The following ATP7A variants were observed in gnomAD, a reference collection of about 807,000 sequenced individuals.
ATP7A encodes copper-transporting ATPase 1.
ATP7A carries 7 observed loss-of-function variants against 83.5 expected under a neutral mutation model. That is an observed-to-expected ratio of 0.08 (90% CI 0.05 to 0.16). The LOEUF is 0.16. Ranked by LOEUF, ATP7A falls within the 10% of genes least tolerant of loss-of-function variation. ATP7A has a pLI of 1.00. For missense variants in ATP7A, 940 were observed against 1,120.8 expected (o/e 0.84, Z 2.30); for synonymous variants, 354 against 395.2 (o/e 0.90, Z 1.24).
Position 78,050,232 on chromosome X carries a change from T to C in ATP7A, c.*3662T>C, listed in dbSNP as rs1022199874. On this transcript the variant is annotated 3_prime_UTR_variant, in exon 23 of 23. Coordinates refer to ENST00000341514, the MANE Select transcript of ATP7A (RefSeq NM_000052.7). The stretch of plus-strand genomic sequence containing the variant: ...TAAAGAAATGTTTAGCTAAACGTTG[T>C]TGAACATTGATTGTTTGGTACCGAA... 2.7e-5 allele frequency: 3 copies of C among 112,344 alleles called. No homozygotes were observed. Among genetic ancestry groups the C allele is most frequent in the African/African-American group, 9.7e-5 (3 of 30,925 alleles). 9.3% of individuals were successfully genotyped at this position (112,344 alleles called of 1,213,427 possible). A position where few individuals can be genotyped will look rare whatever the true frequency, so the allele number is the denominator to read the frequency against.
At chrX:77,948,476 C>CTA (rs1557226458) in intron 1 of ATP7A, among the ~76,000 whole-genome samples, 2 of 112,125 alleles carry the variant, frequency 1.8e-5, no homozygotes, top group African/African-American at 6.5e-5. Context: ...AGTCATTTTG[C>CTA]TATAGCCCAT....
At position 78,014,235 on chromosome X, in the gene ATP7A, T is replaced by C. The variant is rs782288982; in HGVS notation, c.2407-427T>C. On this transcript the variant is annotated intron_variant, in intron 10 of 22. Transcript: ENST00000341514. ...GGCCTGGCCAACATGGTGAACCCCA[T>C]CTCTACTAAAAATACAAAAATTAGC... Among the ~76,000 whole-genome samples, 9 of 108,946 alleles carry C rather than the reference T, an allele frequency of 8.3e-5. No individual in the cohort carries two copies. In the East Asian group the frequency reaches 2.6e-3, roughly 31 times the overall value. 94.6% of individuals were successfully genotyped at this position (108,946 alleles called of 115,157 possible).
intron 6 of ATP7A, among the ~76,000 whole-genome samples, chrX:78,005,699 A>G (rs781861151): frequency 1.1e-4 from 12 of 105,282 alleles, no homozygotes; most frequent in Admixed American, 3.1e-4. Context: ...AAAAAAAAAA[A>G]AAAAAAAGAA....
intron 1 of ATP7A, among the ~76,000 whole-genome samples, chrX:77,956,797 C>CTTTCTTTCTTTCTCTTTCTTTCT (rs2077447467): frequency 2.4e-5 from 2 of 82,685 alleles, no homozygotes; most frequent in East Asian, 7.6e-4. Flanking sequence ...CTCTTTCTTT[C>CTTTCTTTCTTTCTCTTTCTTTCT]TTTTTTTTTT....
intron 22 of ATP7A, 142 bp from the exon 23 acceptor site, chrX:78,046,152 T>C: frequency 1.5e-6 from 1 of 676,249 alleles, no homozygotes. Context: ...CGTTTCAAGC[T>C]ATTTTCCTAC....
At chrX:78,035,114 G>T (rs1353077547) in intron 17 of ATP7A, among the ~76,000 whole-genome samples, 2 of 111,468 alleles carry the variant, frequency 1.8e-5, no homozygotes, top group Non-Finnish European at 3.8e-5. Context: ...TCAGGGTTTT[G>T]TTCTTTGTCT....
chrX:77,981,045 G>A (rs1218183281), intron 2 of ATP7A, among the ~76,000 whole-genome samples: 1 of 112,137 alleles, frequency 8.9e-6, no homozygotes, highest in Admixed American at 9.5e-5. Context: ...AGCATACTAT[G>A]CACATCATTC....
rs1384969276 is a variant in ATP7A, at chrX:77,910,823, A to T, written c.-34A>T. On this transcript the variant is annotated 5_prime_UTR_variant, in exon 1 of 23. Transcript: ENST00000341514. ...GTAGCTCCAGAGGTTTAACCATAGG[A>T]TAGAGAAACCAGGTAAGTCCTACAT... 1.8e-5 allele frequency: 2 copies of T among 112,120 alleles called. No homozygotes were observed. The highest frequency in any genetic ancestry group is 3.8e-5 in the Non-Finnish European group (2 of 53,226). The allele number at this position is 112,120 out of a possible 1,213,427, so 9.2% of individuals were successfully genotyped here.
At chrX:78,038,567 GA>G (rs1420561689) in intron 17 of ATP7A, among the ~76,000 whole-genome samples, 1 of 111,680 alleles carries the variant, frequency 9.0e-6, no homozygotes, top group Non-Finnish European at 1.9e-5. Context: ...AGTAATATTT[GA>G]ACTGGCTCTT....
intron 6 of ATP7A, among the ~76,000 whole-genome samples, chrX:78,006,050 G>A (rs781806210): frequency 8.9e-6 from 1 of 111,950 alleles, no homozygotes; most frequent in African/African-American, 3.2e-5. Flanking sequence ...AACTTCATTC[G>A]TAATGAGTAA....
chrX:77,958,475 A>G (rs2077457349), intron 1 of ATP7A, among the ~76,000 whole-genome samples: 1 of 111,479 alleles, frequency 9.0e-6, no homozygotes, highest in South Asian at 3.7e-4. Flanking sequence ...TTATACCAAT[A>G]CTATGCTGCT....
At chrX:77,983,508 C>A (rs2077616055) in intron 2 of ATP7A, among the ~76,000 whole-genome samples, 1 of 111,747 alleles carries the variant, frequency 8.9e-6, no homozygotes, top group African/African-American at 3.3e-5. Flanking sequence ...AAGAATCGAT[C>A]TTTACAATCT....
chrX:77,988,656 G>T lies in ATP7A; in HGVS notation c.535G>T (p.Gly179Trp). ...GEVVLKMKVE[G>W]MTCHSCTSTI... ...AGTCGTGCTGAAGATGAAAGTGGAA[G>T]GGATGACCTGCCATTCATGTACTAG... The change falls in exon 3 of 23, where the codon GGG becomes TGG. Residue 179 changes from glycine to tryptophan, a missense_variant. Physicochemically the swap from Gly to Trp is radical, Grantham distance 184. Around this residue, in one of 3 missense-constraint regions of ATP7A, gnomAD observed 350 missense variants for 432.8 expected, o/e 0.81. Coordinates refer to ENST00000341514, the MANE Select transcript of ATP7A (RefSeq NM_000052.7). 8.3e-7 allele frequency: 1 copy of T among 1,211,261 alleles called. No homozygotes were observed. Among genetic ancestry groups the T allele is most frequent in the African/African-American group, 1.7e-5 (1 of 57,762 alleles).
chrX:77,923,272 G>C (rs1426743573), intron 1 of ATP7A: 2 of 111,540 alleles, frequency 1.8e-5, no homozygotes, highest in Non-Finnish European at 3.8e-5. Flanking sequence ...ATTCTGACTA[G>C]GCAAATGAGC....
At chrX:78,025,373 C>T (rs887996668) in intron 14 of ATP7A, among the ~76,000 whole-genome samples, 1 of 112,242 alleles carries the variant, frequency 8.9e-6, no homozygotes, top group Non-Finnish European at 1.9e-5. Context: ...TGTAATAGCT[C>T]TCTAGCAACG....
intron 1 of ATP7A, among the ~76,000 whole-genome samples, chrX:77,929,013 G>T: frequency 9.0e-6 from 1 of 111,552 alleles, no homozygotes; most frequent in Non-Finnish European, 1.9e-5. Flanking sequence ...AAGGGTTTCT[G>T]CAGAACTTTG....
intron 22 of ATP7A, among the ~76,000 whole-genome samples, chrX:78,045,897 C>T (rs1254134136): frequency 1.8e-5 from 2 of 111,893 alleles, no homozygotes; most frequent in East Asian, 5.6e-4. Context: ...GCAGGAGAAT[C>T]ACTTGAACCT....
chrX:77,984,755 G>T (rs1427141985), intron 2 of ATP7A, among the ~76,000 whole-genome samples: 1 of 111,857 alleles, frequency 8.9e-6, no homozygotes, highest in African/African-American at 3.2e-5. Context: ...GGTTTGAAAA[G>T]TCTCTTTGCT....
chrX:77,913,431 G>A lies in ATP7A; in HGVS notation c.-22+2596G>A, dbSNP rs782803336. ...GCAAGGGGGAGGCTGGGGGACAGAT[G>A]AGTGATAGGCAATGGTTAGGCAGAG... On this transcript the variant is annotated intron_variant, in intron 1 of 22. Transcript: ENST00000341514. Among the ~76,000 whole-genome samples the A allele has an allele frequency of 9.3e-4, 104 of 111,464 alleles. 2 individuals are homozygous for A. Among genetic ancestry groups the A allele is most frequent in the Admixed American group, 1.9e-4 (2 of 10,394 alleles).
Sources: gnomAD v4.1 joint callset for allele counts (sites outside exome capture counted in the v4.1 genomes callset) on GRCh38, gnomAD v4.1.1 for gene constraint, gnomAD v4.1.1 regional missense constraint, MANE v1.5 for transcripts, NCBI Gene and HGNC (gene_info 2026-07-23, HGNC 2026-07-21) for gene names.